The following YLPM1 variants were observed in gnomAD, a reference collection of about 807,000 sequenced individuals.
YLPM1 encodes the protein YLP motif containing 1.
A neutral mutation model predicts 230.0 loss-of-function variants in YLPM1; 99 were observed. The ratio of observed to expected loss-of-function variants is 0.43; its 90% CI spans 0.37 to 0.51. The LOEUF is 0.51. Among genes scored for constraint, YLPM1 ranks in the 20% least tolerant of loss-of-function variants. The pLI is 0.00. For missense variants in YLPM1, 2,592 were observed against 2,707.7 expected (o/e 0.96, Z 0.95); for synonymous variants, 984 against 942.5 (o/e 1.04, Z -0.81).
chr14:74,815,229 TC>T (rs996049454), intron 11 of YLPM1, among the ~76,000 whole-genome samples: 2 of 152,186 alleles, frequency 1.3e-5, no homozygotes, highest in African/African-American at 4.8e-5. Context: ...ATTTGAATCT[TC>T]TTTTTTTTCT....
intron 19 of YLPM1, 83 bp downstream of exon 19, chr14:74,829,426 C>T (rs1430287109): frequency 2.3e-5 from 36 of 1,556,698 alleles, no homozygotes; most frequent in Non-Finnish European, 3.0e-5. Flanking sequence ...CAGATGATCA[C>T]ATGGATGCTA....
chr14:74,799,796 C>G (rs1206572955), intron 5 of YLPM1, 99 bp downstream of exon 5: 2 of 1,424,406 alleles, frequency 1.4e-6, no homozygotes, highest in East Asian at 5.0e-5. Flanking sequence ...CATTTTACTT[C>G]AAGTTCTTAT....
At position 74,778,480 on chromosome 14, in the gene YLPM1, C is replaced by G. The variant is rs1172695340; in HGVS notation, c.907C>G (p.Leu303Val). The G allele has an allele frequency of 3.7e-6, 6 of 1,607,302 alleles. No individual in the cohort carries two copies. The highest frequency in any genetic ancestry group is 5.1e-6 in the Non-Finnish European group (6 of 1,176,840). ...QQQYWYRQHL[L>V]SLQQRTKVHL... is the part of the protein sequence containing the mutation. ...GCAGTATTGGTATCGACAGCACTTGCTTAGTTTGCAACAGAGGACAAAAGT... is the reference window on the plus strand; with the variant it reads ...GCAGTATTGGTATCGACAGCACTTGGTTAGTTTGCAACAGAGGACAAAAGT... Residue 303 changes from leucine to valine, a missense_variant, in exon 2 of 21, where the codon CTT (leucine) becomes GTT (valine). Physicochemically the swap from Leu to Val is conservative, Grantham distance 32. Around this residue, in one of 4 missense-constraint regions of YLPM1, gnomAD observed 1,862 missense variants for 1,819.8 expected, o/e 1.02. Transcript: ENST00000325680.
At chr14:74,834,193 A>ATT (rs1331152487) in intron 19 of YLPM1, among the ~76,000 whole-genome samples, 1 of 151,516 alleles carries the variant, frequency 6.6e-6, no homozygotes. Context: ...TAAAAAAAAA[A>ATT]AAAAAAATTA....
intron 5 of YLPM1, among the ~76,000 whole-genome samples, chr14:74,800,868 A>G (rs1045917537): frequency 5.3e-5 from 8 of 152,216 alleles, no homozygotes; most frequent in Non-Finnish European, 2.9e-5. Flanking sequence ...AATTGAGTGT[A>G]TATTATGTCA....
In YLPM1 at chr14:74,778,629, A is replaced by T; in HGVS notation, c.1056A>T (p.Pro352=). The change falls in exon 2 of 21, where the codon CCA becomes CCT. Residue 352 remains proline (P), a synonymous_variant. Coordinates refer to ENST00000325680, the MANE Select transcript of YLPM1 (RefSeq NM_019589.3). ...AATCTCCTTCTTCTGAGGAGCCCCC[A>T]TTGCCACCTCCAAATGAGGAAGTGC... ...VPESPSSEEP[P]LPPPNEEVPP... The T allele has an allele frequency of 6.3e-7, 1 of 1,592,816 alleles. No homozygotes were observed. The highest frequency in any genetic ancestry group is 8.5e-7 in the Non-Finnish European group (1 of 1,170,060).
chr14:74,787,130 C>T (rs2091157856), intron 4 of YLPM1, among the ~76,000 whole-genome samples: 1 of 151,914 alleles, frequency 6.6e-6, no homozygotes, highest in African/African-American at 2.4e-5. Flanking sequence ...AAGTCTTTTT[C>T]CCATTTTTTG....
intron 5 of YLPM1, among the ~76,000 whole-genome samples, chr14:74,799,918 G>A (rs1454713538): frequency 6.6e-6 from 1 of 152,186 alleles, no homozygotes; most frequent in African/African-American, 2.4e-5. Context: ...AAAATTGATT[G>A]CTGTCTTGGC....
At chr14:74,792,546 G>T (rs150626371) in intron 4 of YLPM1, among the ~76,000 whole-genome samples, 1 of 152,184 alleles carries the variant, frequency 6.6e-6, no homozygotes, top group African/African-American at 2.4e-5. Context: ...GGGCCAAATG[G>T]CCACCCACTG....
chr14:74,827,515 A>G (rs1218364782), intron 18 of YLPM1: 8 of 985,298 alleles, frequency 8.1e-6, no homozygotes, highest in Non-Finnish European at 9.6e-6. Context: ...CCATGTTGCA[A>G]CTGTAACTCC....
At chr14:74,785,162 T>C (rs568836412) in intron 4 of YLPM1, among the ~76,000 whole-genome samples, 5 of 152,306 alleles carry the variant, frequency 3.3e-5, no homozygotes, top group Admixed American at 3.3e-4. Flanking sequence ...GGTTTTTTGT[T>C]TTTGTTTTTC....
Position 74,764,033 on chromosome 14 carries a change from C to G in YLPM1, c.544C>G (p.Pro182Ala). ...TTACTACCCCCCGACCTCATCTCAG[C>G]CCTACCTGCCTCCTGCTCAGCCGTC... ...PSYYPPTSSQ[P>A]YLPPAQPSPS... is the part of the protein sequence containing the mutation. The change falls in exon 1 of 21, where the codon CCC becomes GCC. Residue 182 changes from proline (P) to alanine (A), a missense_variant. Physicochemically the swap from Pro to Ala is conservative, Grantham distance 27. Coordinates refer to ENST00000325680, the MANE Select transcript of YLPM1 (RefSeq NM_019589.3). 6.2e-7 allele frequency: 1 copy of G among 1,611,326 alleles called. No individual in the cohort carries two copies. The highest frequency in any genetic ancestry group is 1.7e-4 in the Middle Eastern group (1 of 6,058).
intron 1 of YLPM1, among the ~76,000 whole-genome samples, chr14:74,767,091 T>G (rs1272007078): frequency 6.6e-6 from 1 of 151,032 alleles, no homozygotes; most frequent in African/African-American, 2.4e-5. Context: ...ACCATGTTGG[T>G]CAGGCTGGTC....
chr14:74,768,547 G>A (rs1338656434), intron 1 of YLPM1, among the ~76,000 whole-genome samples: 3 of 152,094 alleles, frequency 2.0e-5, no homozygotes, highest in Non-Finnish European at 4.4e-5. Context: ...GCGCCCGGTC[G>A]GAATGTGTCT....
intron 1 of YLPM1, among the ~76,000 whole-genome samples, chr14:74,767,317 C>A (rs2090921729): frequency 6.6e-6 from 1 of 152,186 alleles, no homozygotes. Context: ...TTCTTTGATA[C>A]CATCCATGTT....
At chr14:74,802,802 T>G (rs1306609782) in intron 6 of YLPM1, 126 bp downstream of exon 6, 28 of 1,224,402 alleles carry the variant, frequency 2.3e-5, no homozygotes, top group Admixed American at 3.3e-5. Context: ...TTTGGAAACT[T>G]AAAAGTTTAT....
chr14:74,829,075 T>C, intron 18 of YLPM1, 138 bp from the exon 19 acceptor site: 1 of 908,164 alleles, frequency 1.1e-6, no homozygotes, highest in Non-Finnish European at 1.6e-6. Flanking sequence ...AGAAGATAGT[T>C]TGGATCTGCA....
Position 74,798,801 on chromosome 14 carries a change from A to G in YLPM1, c.3504A>G (p.Pro1168=), listed in dbSNP as rs1279034974. 1.9e-6 allele frequency: 3 copies of G among 1,613,860 alleles called. No individual in the cohort carries two copies. The highest frequency in any genetic ancestry group is 1.7e-5 in the Admixed American group (1 of 60,008). Residue 1168 remains proline (P), a synonymous_variant, in exon 5 of 21, where the codon CCA becomes CCG. Coordinates refer to ENST00000325680, the MANE Select transcript of YLPM1 (RefSeq NM_019589.3). ...CAGATTTTGGTCGTGATAGAGGTCC[A>G]TTCAGACCAGAACCAGGAGATGGTG... ...GRSDFGRDRG[P]FRPEPGDGGE... is the part of the protein sequence containing the mutation.
chr14:74,827,728 G>A, intron 18 of YLPM1: 1 of 985,358 alleles, frequency 1.0e-6, no homozygotes, highest in Non-Finnish European at 1.2e-6. Context: ...TGTCTCTTCT[G>A]GTAATACTGT....
Sources: gnomAD v4.1 joint callset for allele counts (sites outside exome capture counted in the v4.1 genomes callset) on GRCh38, gnomAD v4.1.1 for gene constraint, gnomAD v4.1.1 regional missense constraint, MANE v1.5 for transcripts, NCBI Gene and HGNC (gene_info 2026-07-23, HGNC 2026-07-21) for gene names.